The following MAGI2 variants were observed in gnomAD, a reference collection of about 807,000 sequenced individuals.
MAGI2 encodes the protein membrane associated guanylate kinase, WW and PDZ domain containing 2.
A neutral mutation model predicts 133.3 loss-of-function variants in MAGI2; 35 were observed. The observed-to-expected ratio is 0.26, with a 90% CI of 0.20 to 0.35. The LOEUF is 0.35. MAGI2 is among the 10% of genes least tolerant of loss of function. The pLI, the probability that MAGI2 is intolerant of heterozygous loss-of-function variation, is 1.00. For missense variants in MAGI2, 1,636 were observed against 1,863.4 expected (o/e 0.88, Z 2.25); for synonymous variants, 729 against 710.6 (o/e 1.03, Z -0.41).
intron 2 of MAGI2, among the ~76,000 whole-genome samples, chr7:78,875,750 C>T (rs1795368815): frequency 6.6e-6 from 1 of 152,032 alleles, no homozygotes; most frequent in South Asian, 2.1e-4. Flanking sequence ...ATGTAAAGTG[C>T]CTCCAAGTGA....
At chr7:79,103,217 T>A (rs1430395938) in intron 1 of MAGI2, among the ~76,000 whole-genome samples, 2 of 152,234 alleles carry the variant, frequency 1.3e-5, no homozygotes, top group African/African-American at 4.8e-5. Flanking sequence ...TAAGCCAATT[T>A]AAAATATTAG....
At chr7:78,475,772 G>A (rs1584308657) in intron 6 of MAGI2, among the ~76,000 whole-genome samples, 1 of 151,680 alleles carries the variant, frequency 6.6e-6, no homozygotes, top group East Asian at 1.9e-4. Context: ...AATAACATAG[G>A]GACAAGGGGT....
At position 78,160,065 on chromosome 7, in the gene MAGI2, G is replaced by A; in HGVS notation, c.2805C>T (p.Ile935=). 1.2e-6 allele frequency: 2 copies of A among 1,602,206 alleles called. No individual in the cohort carries two copies. Among genetic ancestry groups the A allele is most frequent in the East Asian group, 2.2e-5 (1 of 44,588 alleles). The change falls in exon 16 of 22, where the codon ATC becomes ATT. Residue 935 remains isoleucine, a synonymous_variant. Transcript: ENST00000354212. ...ACTCAGGCCTGTTCAGGGAGCTGAT[G>A]ATGACAAAGCCGAAGCCCTCATTCT... ...RKENEGFGFV[I]ISSLNRPESG...
chr7:79,007,866 A>G (rs1807612089), intron 1 of MAGI2, among the ~76,000 whole-genome samples: 1 of 152,050 alleles, frequency 6.6e-6, no homozygotes, highest in Non-Finnish European at 1.5e-5. Flanking sequence ...AAATGTTTTT[A>G]GCAAGAGACA....
intron 9 of MAGI2, among the ~76,000 whole-genome samples, chr7:78,342,698 C>T (rs1056284626): frequency 2.6e-5 from 4 of 152,122 alleles, no homozygotes; most frequent in Non-Finnish European, 5.9e-5. Flanking sequence ...TCTTAGCAAA[C>T]TAACACAAAA....
chr7:78,178,091 T>C lies in MAGI2; in HGVS notation c.2323A>G (p.Lys775Glu). The C allele has an allele frequency of 6.2e-7, 1 of 1,611,760 alleles. No homozygotes were observed. Among genetic ancestry groups the C allele is most frequent in the Non-Finnish European group, 8.5e-7 (1 of 1,178,126 alleles). Residue 775 changes from lysine to glutamate, a missense_variant, in exon 14 of 22, where the codon AAG (lysine) becomes GAG (glutamate). Physicochemically the swap from Lys to Glu is moderately conservative, Grantham distance 56. Around this residue, in one of 5 missense-constraint regions of MAGI2, gnomAD observed 920 missense variants for 1,093.5 expected, o/e 0.84. Transcript: ENST00000354212. ...FRMDSSGPDY[K>E]ELDVHLRRME... ...CTCCGAAGATGAACATCCAATTCCT[T>C]ATAATCTGGACCTGGCATAAAGGAG...
intron 1 of MAGI2, among the ~76,000 whole-genome samples, chr7:79,402,576 T>C (rs1162902456): frequency 1.3e-5 from 2 of 152,206 alleles, no homozygotes; most frequent in African/African-American, 4.8e-5. Context: ...GACCAGAATC[T>C]TGTATCCTCT....
At chr7:79,213,437 G>GC (rs1329225305) in intron 1 of MAGI2, among the ~76,000 whole-genome samples, 1 of 151,958 alleles carries the variant, frequency 6.6e-6, no homozygotes, top group Non-Finnish European at 1.5e-5. Context: ...TCCAGCCTCA[G>GC]CCCCCTGGGA....
intron 5 of MAGI2, among the ~76,000 whole-genome samples, chr7:78,491,772 C>T (rs1793629496): frequency 6.6e-6 from 1 of 151,758 alleles, no homozygotes; most frequent in African/African-American, 2.4e-5. Flanking sequence ...CTGACTATTC[C>T]TAATGTGAGG....
intron 2 of MAGI2, among the ~76,000 whole-genome samples, chr7:78,766,918 G>A (rs1052349601): frequency 6.6e-6 from 1 of 152,064 alleles, no homozygotes; most frequent in South Asian, 2.1e-4. Flanking sequence ...TGCTTGAAAT[G>A]TACAGTACAT....
At chr7:78,382,319 T>C (rs1794998597) in intron 6 of MAGI2, among the ~76,000 whole-genome samples, 1 of 151,236 alleles carries the variant, frequency 6.6e-6, no homozygotes, top group Admixed American at 6.6e-5. Context: ...TATATCTTTT[T>C]CATATACATT....
chr7:78,473,455 C>T (rs966503136), intron 6 of MAGI2, among the ~76,000 whole-genome samples: 1 of 152,054 alleles, frequency 6.6e-6, no homozygotes, highest in Non-Finnish European at 1.5e-5. Context: ...TTGCTTCAAC[C>T]TCAGCTTTAG....
chr7:78,633,652 G>A (rs1312265788), intron 2 of MAGI2, among the ~76,000 whole-genome samples: 3 of 144,884 alleles, frequency 2.1e-5, no homozygotes, highest in East Asian at 4.0e-4. Context: ...CTTGCAGTGA[G>A]CAGAGATCGC....
intron 2 of MAGI2, among the ~76,000 whole-genome samples, chr7:78,802,681 G>A (rs1293114332): frequency 6.6e-6 from 1 of 152,064 alleles, no homozygotes; most frequent in East Asian, 1.9e-4. Context: ...CCTGTAGAAT[G>A]TACAACACCA....
At chr7:78,366,245 A>C (rs1793365415) in intron 7 of MAGI2, among the ~76,000 whole-genome samples, 2 of 152,178 alleles carry the variant, frequency 1.3e-5, no homozygotes, top group South Asian at 4.1e-4. Context: ...TACCAATTAA[A>C]AATATAATTC....
At chr7:78,923,661 T>G (rs1799446459) in intron 2 of MAGI2, among the ~76,000 whole-genome samples, 2 of 152,188 alleles carry the variant, frequency 1.3e-5, no homozygotes, top group African/African-American at 4.8e-5. Flanking sequence ...GGCTTAGCAT[T>G]GACTTGGTGA....
At chr7:79,288,212 C>T (rs2129558530) in intron 1 of MAGI2, among the ~76,000 whole-genome samples, 1 of 152,258 alleles carries the variant, frequency 6.6e-6, no homozygotes, top group African/African-American at 2.4e-5. Flanking sequence ...TCTTCACTAA[C>T]ACATGTAGTC....
chr7:79,057,148 T>A (rs1013311374), intron 1 of MAGI2, among the ~76,000 whole-genome samples: 3 of 152,222 alleles, frequency 2.0e-5, no homozygotes, highest in African/African-American at 7.2e-5. Context: ...ACATTCAGTG[T>A]AAGTATAAAG....
chr7:78,118,886 C>T (rs192996702), intron 20 of MAGI2, among the ~76,000 whole-genome samples: 2 of 152,298 alleles, frequency 1.3e-5, no homozygotes, highest in Admixed American at 6.5e-5. Context: ...TATGTCCACA[C>T]AAAAATCTGC....
Sources: gnomAD v4.1 joint callset for allele counts (sites outside exome capture counted in the v4.1 genomes callset) on GRCh38, gnomAD v4.1.1 for gene constraint, gnomAD v4.1.1 regional missense constraint, MANE v1.5 for transcripts, NCBI Gene and HGNC (gene_info 2026-07-23, HGNC 2026-07-21) for gene names.